BTBD10: variants seen among roughly 807,000 people sequenced by gnomAD.
BTBD10 encodes BTB/POZ domain-containing protein 10.
BTBD10 carries 21 observed loss-of-function variants against 53.2 expected under a neutral mutation model. That is an observed-to-expected ratio of 0.39 (90% CI 0.28 to 0.57). The LOEUF (loss-of-function observed/expected upper bound fraction) is 0.57. BTBD10 is among the 20% of genes least tolerant of loss of function. The pLI, the probability that BTBD10 is intolerant of heterozygous loss-of-function variation, is 0.53. For synonymous variants in BTBD10, 149 were observed against 192.7 expected (o/e 0.77, Z 1.88); for missense variants, 360 against 594.7 (o/e 0.61, Z 4.10).
intron 2 of BTBD10, among the ~76,000 whole-genome samples, chr11:13,424,030 G>C (rs761711645): frequency 1.3e-5 from 2 of 152,046 alleles, no homozygotes; most frequent in Non-Finnish European, 2.9e-5. Flanking sequence ...AAAATCATTA[G>C]AGTAGGAATA....
rs1466301749 is a variant in BTBD10, at chr11:13,463,140, G to A, written c.-106C>T. On this transcript the variant is annotated 5_prime_UTR_variant, in exon 1 of 9. Transcript: ENST00000278174. ...AGTGCCCACACAAGATTGGGGCAAA[G>A]GCCGGGGCCAGTGACACCTCCACTT... 6.6e-6 allele frequency: 1 copy of A among 152,614 alleles called. No individual in the cohort carries two copies. Among genetic ancestry groups the A allele is most frequent in the African/African-American group, 2.4e-5 (1 of 41,454 alleles). 9.5% of individuals were successfully genotyped at this position (152,614 alleles called of 1,614,324 possible).
At chr11:13,429,709 C>A (rs959549242) in intron 2 of BTBD10, among the ~76,000 whole-genome samples, 9 of 151,702 alleles carry the variant, frequency 5.9e-5, no homozygotes, top group Admixed American at 5.9e-4. Flanking sequence ...CTTAAAACTA[C>A]AGAACTTCTA....
chr11:13,448,582 A>T (rs1279672178), intron 1 of BTBD10, among the ~76,000 whole-genome samples: 1 of 152,084 alleles, frequency 6.6e-6, no homozygotes, highest in Non-Finnish European at 1.5e-5. Flanking sequence ...ATTTCCCCAC[A>T]CCAAGTCTAC....
intron 2 of BTBD10, among the ~76,000 whole-genome samples, chr11:13,442,525 C>T (rs1057048212): frequency 6.6e-6 from 1 of 152,038 alleles, no homozygotes; most frequent in Non-Finnish European, 1.5e-5. Flanking sequence ...AACTTCAGAT[C>T]CAGTCAAGGT....
chr11:13,455,118 G>C (rs2061438), intron 1 of BTBD10, among the ~76,000 whole-genome samples: 16,233 of 152,174 alleles, frequency 0.11, 965 homozygotes, highest in Middle Eastern at 0.15. Context: ...TCACCATGTT[G>C]TTCAGGCTGG....
At chr11:13,432,200 C>T (rs993126104) in intron 2 of BTBD10, among the ~76,000 whole-genome samples, 1 of 151,926 alleles carries the variant, frequency 6.6e-6, no homozygotes, top group African/African-American at 2.4e-5. Flanking sequence ...TGCCAGAGGT[C>T]AGAGTTGGAG....
At chr11:13,396,709 C>T (rs2035225532) in intron 8 of BTBD10, among the ~76,000 whole-genome samples, 3 of 152,104 alleles carry the variant, frequency 2.0e-5, no homozygotes, top group South Asian at 2.1e-4. Context: ...TTTTGAGATA[C>T]GTTCCATCAA....
At chr11:13,434,495 T>C (rs1169077375) in intron 2 of BTBD10, among the ~76,000 whole-genome samples, 4 of 152,208 alleles carry the variant, frequency 2.6e-5, no homozygotes, top group Non-Finnish European at 4.4e-5. Flanking sequence ...CCAGGGTTGC[T>C]GGAGCACAGA....
intron 1 of BTBD10, among the ~76,000 whole-genome samples, chr11:13,455,873 C>A (rs2134059216): frequency 6.6e-6 from 1 of 152,196 alleles, no homozygotes; most frequent in Admixed American, 6.5e-5. Context: ...ATTCATTATT[C>A]CCCTTACCTT....
intron 7 of BTBD10, among the ~76,000 whole-genome samples, chr11:13,404,372 A>T (rs1446287662): frequency 6.6e-6 from 1 of 152,178 alleles, no homozygotes; most frequent in Non-Finnish European, 1.5e-5. Context: ...GAAAACAAAA[A>T]TATTGAAGTG....
chr11:13,450,012 T>C (rs1048619413), intron 1 of BTBD10, among the ~76,000 whole-genome samples: 1 of 152,196 alleles, frequency 6.6e-6, no homozygotes, highest in African/African-American at 2.4e-5. Context: ...CACAACAGCT[T>C]TTCTATTAAT....
At chr11:13,410,260 A>C (rs1222206593) in intron 6 of BTBD10, among the ~76,000 whole-genome samples, 1 of 152,130 alleles carries the variant, frequency 6.6e-6, no homozygotes, top group Non-Finnish European at 1.5e-5. Flanking sequence ...CACCACTTAG[A>C]ATAAGTGCAG....
chr11:13,413,855 A>G (rs1365952437), intron 5 of BTBD10, among the ~76,000 whole-genome samples: 1 of 152,186 alleles, frequency 6.6e-6, no homozygotes, highest in Non-Finnish European at 1.5e-5. Context: ...GTCCAAATGA[A>G]TTCACCGACT....
chr11:13,455,328 T>C (rs1222282780), intron 1 of BTBD10, among the ~76,000 whole-genome samples: 2 of 152,242 alleles, frequency 1.3e-5, no homozygotes, highest in Non-Finnish European at 2.9e-5. Flanking sequence ...TTTGTGCTAA[T>C]TGATTTTATC....
intron 6 of BTBD10, among the ~76,000 whole-genome samples, chr11:13,409,450 A>G (rs1047358398): frequency 2.0e-5 from 3 of 152,202 alleles, no homozygotes; most frequent in African/African-American, 7.2e-5. Flanking sequence ...TGCTTAGTAC[A>G]GAGTAGAGTC....
At chr11:13,411,712 T>C (rs1432277662) in intron 6 of BTBD10, among the ~76,000 whole-genome samples, 1 of 152,204 alleles carries the variant, frequency 6.6e-6, no homozygotes, top group Non-Finnish European at 1.5e-5. Flanking sequence ...TCTAGTTTTT[T>C]TCTATCTCTG....
chr11:13,421,412 T>C (rs1422809269), intron 3 of BTBD10, among the ~76,000 whole-genome samples: 1 of 152,252 alleles, frequency 6.6e-6, no homozygotes, highest in Non-Finnish European at 1.5e-5. Context: ...GCTTTTCAAT[T>C]ACTTATTTTA....
chr11:13,422,710 A>G (rs1418650296), intron 2 of BTBD10, among the ~76,000 whole-genome samples: 1 of 152,224 alleles, frequency 6.6e-6, no homozygotes, highest in Admixed American at 6.5e-5. Flanking sequence ...CTGACTACAT[A>G]AAGTCACAGA....
At chr11:13,397,507 G>A (rs1949587597) in intron 8 of BTBD10, among the ~76,000 whole-genome samples, 1 of 151,990 alleles carries the variant, frequency 6.6e-6, no homozygotes, top group Non-Finnish European at 1.5e-5. Context: ...TGGATTCATT[G>A]ATTTTTTGAA....
Sources: gnomAD v4.1 joint callset for allele counts (sites outside exome capture counted in the v4.1 genomes callset) on GRCh38, gnomAD v4.1.1 for gene constraint, MANE v1.5 for transcripts, NCBI Gene and HGNC (gene_info 2026-07-23, HGNC 2026-07-21) for gene names.